Variants in XPO1 observed in about 807,000 individuals in gnomAD.
The protein encoded by XPO1 is exportin-1.
XPO1 carries 5 observed loss-of-function variants against 133.3 expected under a neutral mutation model. The ratio of observed to expected loss-of-function variants is 0.04; its 90% CI spans 0.02 to 0.08. The LOEUF (loss-of-function observed/expected upper bound fraction) is 0.08, where lower values mean the gene tolerates loss of function less well. Among genes scored for constraint, XPO1 ranks in the 10% least tolerant of loss-of-function variants. The probability of loss-of-function intolerance (pLI) is 1.00; values close to 1 mark genes in which losing one functional copy is unlikely to be tolerated. For missense variants in XPO1, 506 were observed against 1,267.5 expected, an observed-to-expected ratio of 0.40 and a Z score of 9.12; for synonymous variants, 419 against 408.2, an observed-to-expected ratio of 1.03 and a Z score of -0.32.
intron 2 of XPO1, among the ~76,000 whole-genome samples, chr2:61,527,830 T>C (rs1698971906): frequency 6.6e-6 from 1 of 152,112 alleles, no homozygotes; most frequent in African/African-American, 2.4e-5. Context: ...CATCTTGTGC[T>C]TGTATCAGAT....
intron 16 of XPO1, among the ~76,000 whole-genome samples, 154 bp downstream of exon 16, chr2:61,491,881 C>G (rs1050678818): frequency 6.6e-6 from 1 of 152,182 alleles, no homozygotes; most frequent in Non-Finnish European, 1.5e-5. Flanking sequence ...GCCTGGGCAA[C>G]AGAGTAAGAC....
chr2:61,532,579 T>A (rs1282358839), intron 2 of XPO1, among the ~76,000 whole-genome samples: 1 of 151,884 alleles, frequency 6.6e-6, no homozygotes, highest in Non-Finnish European at 1.5e-5. Context: ...GGCTCATGCC[T>A]GTCATCTCCA....
intron 17 of XPO1, among the ~76,000 whole-genome samples, chr2:61,489,538 A>C (rs1696862280): frequency 6.6e-6 from 1 of 151,994 alleles, no homozygotes; most frequent in African/African-American, 2.4e-5. Flanking sequence ...CATCTACTTA[A>C]GAATGAAGTA....
At chr2:61,508,283 TA>T (rs1299003160) in intron 4 of XPO1, among the ~76,000 whole-genome samples, 2 of 152,170 alleles carry the variant, frequency 1.3e-5, no homozygotes, top group Admixed American at 6.6e-5. Flanking sequence ...GAAAGCCATA[TA>T]AAATTTATTC....
At chr2:61,505,455 G>C (rs752724855) in intron 4 of XPO1, among the ~76,000 whole-genome samples, 1 of 147,846 alleles carries the variant, frequency 6.8e-6, no homozygotes, top group Non-Finnish European at 1.5e-5. Flanking sequence ...GCAGTGGTGT[G>C]ATCTAGGCTC....
intron 4 of XPO1, among the ~76,000 whole-genome samples, chr2:61,515,190 A>C (rs1698306676): frequency 6.6e-6 from 1 of 152,152 alleles, no homozygotes; most frequent in African/African-American, 2.4e-5. Flanking sequence ...GCAGATCTTG[A>C]TTATACAGAG....
intron 4 of XPO1, 32 bp downstream of exon 4, chr2:61,522,579 A>C: frequency 6.3e-7 from 1 of 1,590,248 alleles, no homozygotes; most frequent in South Asian, 1.1e-5. Flanking sequence ...GGAAAAACAA[A>C]ACTCTGAATT....
intron 3 of XPO1, among the ~76,000 whole-genome samples, chr2:61,524,430 G>T (rs1434673631): frequency 6.6e-6 from 1 of 152,076 alleles, no homozygotes; most frequent in Admixed American, 6.6e-5. Flanking sequence ...ACTGTATAAA[G>T]GTAGCATAAG....
At chr2:61,488,046 TA>T in intron 19 of XPO1, 118 bp downstream of exon 19, 1 of 847,590 alleles carries the variant, frequency 1.2e-6, no homozygotes, top group Non-Finnish European at 1.9e-6. Flanking sequence ...TAAAATGCCA[TA>T]AAATAACCAC....
chr2:61,501,062 A>G (rs1697489643), intron 6 of XPO1, among the ~76,000 whole-genome samples: 1 of 152,196 alleles, frequency 6.6e-6, no homozygotes. Flanking sequence ...TTCAGATTAT[A>G]AAAATACATG....
At chr2:61,497,428 G>A (rs1322586646) in intron 9 of XPO1, among the ~76,000 whole-genome samples, 1 of 152,058 alleles carries the variant, frequency 6.6e-6, no homozygotes, top group Non-Finnish European at 1.5e-5. Flanking sequence ...GGCCAGGCTG[G>A]TCTCGATCTC....
chr2:61,480,016 C>G (rs940545887), intron 24 of XPO1, among the ~76,000 whole-genome samples: 1 of 152,020 alleles, frequency 6.6e-6, no homozygotes, highest in Admixed American at 6.6e-5. Flanking sequence ...AGGCACCTGC[C>G]ACCAGACCTG....
intron 4 of XPO1, among the ~76,000 whole-genome samples, chr2:61,521,584 T>TA (rs1481398443): frequency 3.3e-5 from 5 of 152,170 alleles, no homozygotes; most frequent in South Asian, 4.1e-4. Context: ...ACAGAAAAGT[T>TA]AAATTACTCA....
intron 11 of XPO1, 89 bp downstream of exon 11, chr2:61,495,366 A>T: frequency 9.5e-7 from 1 of 1,049,884 alleles, no homozygotes; most frequent in African/African-American, 1.8e-5. Flanking sequence ...AGAAATCTCA[A>T]AAGGTACATA....
In XPO1 at chr2:61,499,860, G is replaced by C; in HGVS notation, c.443C>G (p.Thr148Ser). The C allele has an allele frequency of 6.2e-7, 1 of 1,611,218 alleles. No homozygotes were observed. The highest frequency in any genetic ancestry group is 8.5e-7 in the Non-Finnish European group (1 of 1,179,406). ...TGCTCCAACAATATCACTGATAAAA[G>C]TTGGCCAATGTTTGGGCCATTCTTG... ...LKQEWPKHWPTFISDIVGASR... is the reference protein window; with the variant it reads ...LKQEWPKHWPSFISDIVGASR... Residue 148 changes from threonine to serine, a missense_variant, in exon 7 of 25, where the codon ACT (threonine) becomes AGT (serine). This residue lies in a region of XPO1 where 68 missense variants were observed against 210.5 expected (regional missense o/e 0.32). Coordinates refer to ENST00000401558, the MANE Select transcript of XPO1 (RefSeq NM_003400.4).
chr2:61,494,462 G>A, intron 11 of XPO1: 1 of 189,540 alleles, frequency 5.3e-6, no homozygotes, highest in South Asian at 9.9e-5. Flanking sequence ...CTTCAGACAT[G>A]ATAAAAAGTG....
At chr2:61,529,077 G>A (rs1320910949) in intron 2 of XPO1, among the ~76,000 whole-genome samples, 1 of 152,040 alleles carries the variant, frequency 6.6e-6, no homozygotes. Context: ...TATGGTCCCA[G>A]CTACTCAGGA....
At chr2:61,506,370 C>T (rs1029409779) in intron 4 of XPO1, among the ~76,000 whole-genome samples, 3 of 152,180 alleles carry the variant, frequency 2.0e-5, no homozygotes, top group African/African-American at 7.2e-5. Flanking sequence ...ATGCAGTGAG[C>T]TGAGATCGCG....
chr2:61,533,752 GTT>G lies in XPO1; in HGVS notation c.126+18_126+19del. Reference sequence around the variant, plus strand: ...TGTTACACTGTCATAATGTTATAAAGTTTTGGTTGGCTACTTTACCTGGGCTC... The same window carrying G: ...TGTTACACTGTCATAATGTTATAAAGTTGGTTGGCTACTTTACCTGGGCTC... On this transcript the variant is annotated intron_variant, in intron 2 of 24. Coordinates refer to ENST00000401558, the MANE Select transcript of XPO1 (RefSeq NM_003400.4). 1 of 1,571,068 alleles carries G rather than the reference GTT, an allele frequency of 6.4e-7. No homozygotes were observed. Among genetic ancestry groups the G allele is most frequent in the Non-Finnish European group, 8.6e-7 (1 of 1,161,638 alleles).
Sources: gnomAD v4.1 joint callset for allele counts (sites outside exome capture counted in the v4.1 genomes callset) on GRCh38, gnomAD v4.1.1 for gene constraint, gnomAD v4.1.1 regional missense constraint, MANE v1.5 for transcripts, NCBI Gene and HGNC (gene_info 2026-07-23, HGNC 2026-07-21) for gene names.